ADAMTS12: variants seen among roughly 807,000 people sequenced by gnomAD.
ADAMTS12 encodes ADAM metallopeptidase with thrombospondin type 1 motif 12, also known as A disintegrin and metalloproteinase with thrombospondin motifs 12.
Under a neutral mutation model 167.8 loss-of-function variants are expected in ADAMTS12, and 118 were observed. The observed-to-expected ratio is 0.70, with a 90% CI of 0.61 to 0.82. The LOEUF is 0.82. Ranked by LOEUF, ADAMTS12 falls within the 40% of genes least tolerant of loss-of-function variation. The pLI, the probability that ADAMTS12 is intolerant of heterozygous loss-of-function variation, is 0.00. For missense variants in ADAMTS12, 1,916 were observed against 1,998.8 expected (o/e 0.96, Z 0.79); for synonymous variants, 704 against 716.9 (o/e 0.98, Z 0.29).
chr5:33,638,097 C>A (rs950598050), intron 11 of ADAMTS12, among the ~76,000 whole-genome samples: 1 of 152,138 alleles, frequency 6.6e-6, no homozygotes, highest in Non-Finnish European at 1.5e-5. Context: ...TCCATCTGTG[C>A]CTTCCTTGGA....
chr5:33,564,814 T>C (rs769167242), intron 19 of ADAMTS12, among the ~76,000 whole-genome samples: 2 of 152,164 alleles, frequency 1.3e-5, no homozygotes, highest in African/African-American at 2.4e-5. Context: ...AACAAAAGCA[T>C]CCTCCTTCAT....
chr5:33,722,312 TTG>T (rs1254032967), intron 3 of ADAMTS12, among the ~76,000 whole-genome samples: 7 of 152,202 alleles, frequency 4.6e-5, no homozygotes, highest in South Asian at 4.1e-4. Context: ...TGACCCTGTA[TTG>T]TGTTATTTGT....
At chr5:33,820,973 G>C (rs770774917) in intron 2 of ADAMTS12, among the ~76,000 whole-genome samples, 3 of 152,158 alleles carry the variant, frequency 2.0e-5, no homozygotes, top group Non-Finnish European at 4.4e-5. Context: ...GCCTTTCAGA[G>C]GGTGGAGTGT....
intron 18 of ADAMTS12, among the ~76,000 whole-genome samples, chr5:33,582,663 T>G (rs575816783): frequency 6.6e-6 from 1 of 152,312 alleles, no homozygotes; most frequent in African/African-American, 2.4e-5. Context: ...AATGTTTTGT[T>G]TGTGTGTTTT....
chr5:33,797,687 T>C (rs1746834622), intron 2 of ADAMTS12, among the ~76,000 whole-genome samples: 1 of 152,138 alleles, frequency 6.6e-6, no homozygotes, highest in Admixed American at 6.5e-5. Flanking sequence ...TGGGTTGTCG[T>C]AAGGATTAAT....
rs754083071 is a variant in ADAMTS12, at chr5:33,588,761, G to A, written c.2703C>T (p.His901=). 3 of 1,613,968 alleles carry A rather than the reference G, an allele frequency of 1.9e-6. No individual in the cohort carries two copies. The highest frequency in any genetic ancestry group is 2.5e-6 in the Non-Finnish European group (3 of 1,180,024). The change falls in exon 18 of 24, where the codon CAC becomes CAT. Residue 901 remains histidine, a synonymous_variant. Transcript: ENST00000504830. Reference sequence around the variant, plus strand: ...ACAGCACGGTTCGCTTCTTCTCCCCGTGGGGCCCGCATGTCGCCGAGCATG... The same window carrying A: ...ACAGCACGGTTCGCTTCTTCTCCCCATGGGGCCCGCATGTCGCCGAGCATG... ...WEACSATCGP[H]GEKKRTVLCI...
intron 16 of ADAMTS12, among the ~76,000 whole-genome samples, chr5:33,611,058 G>A (rs1738704799): frequency 1.3e-5 from 2 of 151,564 alleles, no homozygotes; most frequent in South Asian, 2.1e-4. Context: ...GAAAAAAAAA[G>A]TACTAGAGCT....
chr5:33,646,155 G>T (rs544590910), intron 9 of ADAMTS12, among the ~76,000 whole-genome samples: 12 of 152,066 alleles, frequency 7.9e-5, no homozygotes, highest in African/African-American at 2.2e-4. Context: ...AGATAACTTG[G>T]GTGTCCTGTT....
chr5:33,862,847 G>A (rs901129643), intron 2 of ADAMTS12, among the ~76,000 whole-genome samples: 1 of 152,022 alleles, frequency 6.6e-6, no homozygotes, highest in African/African-American at 2.4e-5. Context: ...TATCCACCAA[G>A]ATCAAGTCGG....
At chr5:33,819,987 GAAGGACACATGC>G (rs1410168507) in intron 2 of ADAMTS12, among the ~76,000 whole-genome samples, 1 of 152,190 alleles carries the variant, frequency 6.6e-6, no homozygotes, top group African/African-American at 2.4e-5. Flanking sequence ...TTCTGCTGTT[GAAGGACACATGC>G]AAGCCCTTCT....
At chr5:33,566,326 T>C (rs932984581) in intron 19 of ADAMTS12, among the ~76,000 whole-genome samples, 1 of 152,118 alleles carries the variant, frequency 6.6e-6, no homozygotes, top group African/African-American at 2.4e-5. Context: ...ATTATCTAGG[T>C]GCAGTGGTTG....
chr5:33,609,427 G>C (rs983565188), intron 16 of ADAMTS12, among the ~76,000 whole-genome samples: 2 of 148,178 alleles, frequency 1.3e-5, no homozygotes, highest in Non-Finnish European at 3.0e-5. Flanking sequence ...CTGGAGTGCA[G>C]TGGCAGGATC....
rs1184024038 is a variant in ADAMTS12 at position 33,662,721 on chromosome 5, ACTCCAAATTAT to A, written c.916-692_916-682del. ...TACTGGGGCTACGAGGGAAGGGATT[ACTCCAAATTAT>A]CTGGATGAACACTTGCTGAATGGGG... On this transcript the variant is annotated intron_variant, in intron 5 of 23. Transcript: ENST00000504830. 2.0e-5 allele frequency among the ~76,000 whole-genome samples: 3 copies of A among 152,352 alleles called. No individual in the cohort carries two copies. The East Asian group carries it at 5.8e-4, about 29-fold the overall frequency.
intron 2 of ADAMTS12, among the ~76,000 whole-genome samples, chr5:33,831,306 T>C (rs1474502610): frequency 3.9e-5 from 6 of 152,234 alleles, no homozygotes; most frequent in African/African-American, 7.2e-5. Flanking sequence ...TCCGAGATTA[T>C]ACAATGGAAA....
chr5:33,826,905 T>C (rs956167130), intron 2 of ADAMTS12, among the ~76,000 whole-genome samples: 2 of 152,112 alleles, frequency 1.3e-5, no homozygotes, highest in Non-Finnish European at 2.9e-5. Context: ...ACGGGGAGAA[T>C]GGGCTTCTTA....
chr5:33,566,001 A>C (rs2111910687), intron 19 of ADAMTS12, among the ~76,000 whole-genome samples: 1 of 152,334 alleles, frequency 6.6e-6, no homozygotes, highest in South Asian at 2.1e-4. Context: ...TTGGTGATGA[A>C]TGAAAAGTGA....
intron 2 of ADAMTS12, among the ~76,000 whole-genome samples, chr5:33,754,984 T>C (rs1745120422): frequency 1.3e-5 from 2 of 152,190 alleles, no homozygotes; most frequent in Admixed American, 6.5e-5. Flanking sequence ...AAAATCCTAG[T>C]TGTAAATCCT....
chr5:33,766,627 C>T (rs1745545516), intron 2 of ADAMTS12, among the ~76,000 whole-genome samples: 1 of 152,092 alleles, frequency 6.6e-6, no homozygotes, highest in Admixed American at 6.5e-5. Flanking sequence ...TCCACACTAT[C>T]TTTACAGCTT....
At chr5:33,861,720 T>C (rs1297606659) in intron 2 of ADAMTS12, among the ~76,000 whole-genome samples, 1 of 152,162 alleles carries the variant, frequency 6.6e-6, no homozygotes, top group East Asian at 1.9e-4. Context: ...ATCAACAGAA[T>C]ACACATTCTT....
Sources: gnomAD v4.1 joint callset for allele counts (sites outside exome capture counted in the v4.1 genomes callset) on GRCh38, gnomAD v4.1.1 for gene constraint, MANE v1.5 for transcripts, NCBI Gene and HGNC (gene_info 2026-07-23, HGNC 2026-07-21) for gene names.